The following HECTD4 variants were observed in gnomAD, a reference collection of about 807,000 sequenced individuals.
HECTD4 encodes HECT domain E3 ubiquitin protein ligase 4, also known as probable E3 ubiquitin-protein ligase HECTD4.
A neutral mutation model predicts 471.5 loss-of-function variants in HECTD4; 114 were observed. That is an observed-to-expected ratio of 0.24 (90% CI 0.21 to 0.28). The LOEUF is 0.28. Ranked by LOEUF, HECTD4 falls within the 10% of genes least tolerant of loss-of-function variation. The pLI is 1.00. For synonymous variants in HECTD4, 2,012 were observed against 2,256.0 expected (o/e 0.89, Z 3.07); for missense variants, 3,866 against 5,651.5 (o/e 0.68, Z 10.13).
At chr12:112,378,723 T>A (rs1456147992) in intron 1 of HECTD4, among the ~76,000 whole-genome samples, 1 of 152,130 alleles carries the variant, frequency 6.6e-6, no homozygotes, top group African/African-American at 2.4e-5. Flanking sequence ...ATAGGTGTGG[T>A]GGTATTTCAA....
intron 7 of HECTD4, among the ~76,000 whole-genome samples, chr12:112,288,512 C>G (rs1434675351): frequency 1.3e-5 from 2 of 151,988 alleles, no homozygotes; most frequent in African/African-American, 4.8e-5. Flanking sequence ...GTCCCAGCTA[C>G]TCAGGAGGCT....
chr12:112,176,514 A>C (rs1233705997), intron 65 of HECTD4, 82 bp downstream of exon 65: 1 of 960,948 alleles, frequency 1.0e-6, no homozygotes, highest in Non-Finnish European at 1.7e-6. Flanking sequence ...CAGGAAAAGC[A>C]GAGGCCTGCT....
rs774047880 is a variant in HECTD4, at chr12:112,216,852, C to A, written c.7306G>T (p.Val2436Phe). ...GDTDDDTGPI[V>F]SFGFTTEAEK... ...GCTTCTGTAGTGAAGCCAAAGGAAA[C>A]TATGGGTCCGGTGTCATCATCGGTG... Residue 2436 changes from valine to phenylalanine, a missense_variant, in exon 47 of 76, where the codon GTT becomes TTT. By Grantham distance (50) the Val-to-Phe change is conservative (BLOSUM62 -1). This residue lies in a region of HECTD4 where 617 missense variants were observed against 915.1 expected (regional missense o/e 0.67). Transcript: ENST00000682272. The A allele has an allele frequency of 2.6e-5, 42 of 1,613,922 alleles. No individual in the cohort carries two copies. Among genetic ancestry groups the A allele is most frequent in the Non-Finnish European group, 3.1e-5 (36 of 1,179,914 alleles).
At chr12:112,270,118 G>A in intron 12 of HECTD4, 109 bp downstream of exon 12, 1 of 950,748 alleles carries the variant, frequency 1.1e-6, no homozygotes, top group Non-Finnish European at 1.6e-6. Context: ...GTAAGATGCA[G>A]AACAGGAAAA....
chr12:112,189,574 A>AAG (rs2032007208), intron 60 of HECTD4, among the ~76,000 whole-genome samples: 2 of 150,938 alleles, frequency 1.3e-5, no homozygotes, highest in Non-Finnish European at 1.5e-5. Context: ...AAAAAAAAAA[A>AAG]AGAAAGAAAT....
intron 7 of HECTD4, among the ~76,000 whole-genome samples, chr12:112,298,228 T>C (rs2035084103): frequency 1.3e-5 from 2 of 152,072 alleles, no homozygotes; most frequent in South Asian, 2.1e-4. Context: ...TTGGTTTTGT[T>C]TTTTCAAGAT....
At position 112,228,071 on chromosome 12, in the gene HECTD4, T is replaced by C. The variant is rs1295433694; in HGVS notation, c.6854+18A>G. On this transcript the variant is annotated intron_variant, in intron 43 of 75. Coordinates refer to ENST00000682272, the MANE Select transcript of HECTD4 (RefSeq NM_001388303.1). This position sits in a 1 kb window ranked among gnomAD's most constrained non-coding sequence, Gnocchi z 4.9. ...TGCACCATGTCAGCACATAAGGCAA[T>C]GTGGGGAGGGTACTCACCTTGTCCT... 2.5e-6 allele frequency: 4 copies of C among 1,591,196 alleles called. No individual in the cohort carries two copies. Among genetic ancestry groups the C allele is most frequent in the Non-Finnish European group, 1.7e-6 (2 of 1,170,064 alleles).
At chr12:112,268,294 G>T (rs1470931027) in intron 13 of HECTD4, among the ~76,000 whole-genome samples, 1 of 152,142 alleles carries the variant, frequency 6.6e-6, no homozygotes, top group African/African-American at 2.4e-5. Flanking sequence ...TTCAATCATT[G>T]CCTTAATGCT....
At chr12:112,331,406 T>A (rs1008318809) in intron 1 of HECTD4, among the ~76,000 whole-genome samples, 2 of 152,176 alleles carry the variant, frequency 1.3e-5, no homozygotes, top group African/African-American at 2.4e-5. Context: ...GTGAATCCAA[T>A]GTGCAGCCAA....
chr12:112,364,853 T>C (rs1236364988), intron 1 of HECTD4, among the ~76,000 whole-genome samples: 1 of 152,250 alleles, frequency 6.6e-6, no homozygotes, highest in Non-Finnish European at 1.5e-5. Flanking sequence ...TCTCCATTAG[T>C]GAATTTTTCC....
In HECTD4 at chr12:112,179,070, A is replaced by G; in HGVS notation, c.11224T>C (p.Tyr3742His). 6.2e-7 allele frequency: 1 copy of G among 1,613,946 alleles called. No homozygotes were observed. Among genetic ancestry groups the G allele is most frequent in the Non-Finnish European group, 8.5e-7 (1 of 1,179,892 alleles). The change falls in exon 64 of 76, where the codon TAT becomes CAT. Residue 3742 changes from tyrosine (Y) to histidine (H), a missense_variant. Transcript: ENST00000682272. This position sits in a 1 kb window ranked among gnomAD's most constrained non-coding sequence, Gnocchi z 4.3. ...TCAAACTTGGGCTTTGGCACGCCAT[A>G]CTTCCTCAGGATCTGTGGAGCACAG... The part of the protein sequence containing the change: ...EDQLTQILRK[Y>H]GVPKPKFDKS...
At chr12:112,368,701 A>T (rs1486767114) in intron 1 of HECTD4, among the ~76,000 whole-genome samples, 1 of 152,212 alleles carries the variant, frequency 6.6e-6, no homozygotes, top group African/African-American at 2.4e-5. Flanking sequence ...ATAATAAAAA[A>T]TTAATTTCGT....
chr12:112,323,488 A>G (rs1033501813), intron 1 of HECTD4, among the ~76,000 whole-genome samples: 2 of 152,180 alleles, frequency 1.3e-5, no homozygotes, highest in South Asian at 4.1e-4. Flanking sequence ...GCAAAGAAAG[A>G]AACTATTGAT....
chr12:112,165,610 C>A (rs1000449204), intron 72 of HECTD4, among the ~76,000 whole-genome samples: 5 of 152,150 alleles, frequency 3.3e-5, no homozygotes, highest in Non-Finnish European at 2.9e-5. Flanking sequence ...CTTGGCCTCC[C>A]GAAGTGCTGG....
At chr12:112,232,901 G>T in intron 38 of HECTD4, 103 bp downstream of exon 38, 1 of 1,017,886 alleles carries the variant, frequency 9.8e-7, no homozygotes, top group Non-Finnish European at 1.5e-6. Context: ...CTCTTCGTTG[G>T]AACTTGAACT....
intron 2 of HECTD4, among the ~76,000 whole-genome samples, chr12:112,315,735 A>C (rs989049308): frequency 6.6e-6 from 1 of 152,046 alleles, no homozygotes; most frequent in African/African-American, 2.4e-5. Flanking sequence ...GTTTTTTTAA[A>C]AGAGACAGGG....
At chr12:112,269,603 G>C (rs1261844192) in intron 13 of HECTD4, 101 bp downstream of exon 13, 3 of 1,236,900 alleles carry the variant, frequency 2.4e-6, no homozygotes, top group Non-Finnish European at 3.4e-6. Flanking sequence ...ATTGTGGGAT[G>C]GGGTAAGAGG....
At position 112,246,674 on chromosome 12, in the gene HECTD4, C is replaced by T. The variant is rs554156353; in HGVS notation, c.4513+227G>A. On this transcript the variant is annotated intron_variant, in intron 29 of 75. Coordinates refer to ENST00000682272, the MANE Select transcript of HECTD4 (RefSeq NM_001388303.1). ...AATAAAGAAAACAAGAAGTTGACCG[C>T]AGGAATTTAATGACATACAAGTATT... Among the ~76,000 whole-genome samples the T allele has an allele frequency of 2.0e-5, 3 of 152,164 alleles. No homozygotes were observed. In the South Asian group the frequency reaches 6.2e-4, roughly 32 times the overall value.
Position 112,231,687 on chromosome 12 carries a change from T to C in HECTD4, c.6026A>G (p.Glu2009Gly). The C allele has an allele frequency of 6.2e-7, 1 of 1,612,644 alleles. No homozygotes were observed. Among genetic ancestry groups the C allele is most frequent in the Non-Finnish European group, 8.5e-7 (1 of 1,179,798 alleles). ...KGGCCEVITE[E>G]AAAALRKATK... ...GGCTTTCCGCAGGGCGGCTGCAGCC[T>C]CTTCTGTAATCACTTCGCAACAGCC... is the stretch of plus-strand genomic sequence containing the variant. Residue 2009 changes from glutamate to glycine, a missense_variant, in exon 39 of 76, where the codon GAG becomes GGG. Around this residue, in one of 16 missense-constraint regions of HECTD4, gnomAD observed 617 missense variants for 915.1 expected, o/e 0.67. Transcript: ENST00000682272.
Sources: allele counts gnomAD v4.1 joint callset (sites outside exome capture counted in the v4.1 genomes callset), GRCh38; gene constraint gnomAD v4.1.1; regional missense constraint gnomAD v4.1.1; non-coding constraint Gnocchi (gnomAD v3.1); transcripts MANE v1.5; gene names NCBI Gene and HGNC (gene_info 2026-07-23, HGNC 2026-07-21).